The following KCNIP1 variants were observed in gnomAD, a reference collection of about 807,000 sequenced individuals.
KCNIP1 encodes the protein potassium voltage-gated channel interacting protein 1, also known as A-type potassium channel modulatory protein KCNIP1.
KCNIP1 carries 18 observed loss-of-function variants against 33.0 expected under a neutral mutation model. The observed-to-expected ratio is 0.55, with a 90% confidence interval of 0.38 to 0.81. KCNIP1 has a LOEUF of 0.81. Ranked by LOEUF, KCNIP1 falls within the 30% of genes least tolerant of loss-of-function variation. KCNIP1 has a pLI of 0.00. For synonymous variants in KCNIP1, 93 were observed against 98.3 expected (o/e 0.95, Z 0.32); for missense variants, 238 against 271.6 (o/e 0.88, Z 0.87).
intron 1 of KCNIP1, among the ~76,000 whole-genome samples, chr5:170,469,796 T>C (rs1756683544): frequency 6.6e-6 from 1 of 152,234 alleles, no homozygotes; most frequent in South Asian, 2.1e-4. Context: ...TTCTCTTCCA[T>C]TGATCTCTCT....
chr5:170,714,720 T>C (rs1205240076), intron 1 of KCNIP1, among the ~76,000 whole-genome samples: 1 of 152,094 alleles, frequency 6.6e-6, no homozygotes, highest in Non-Finnish European at 1.5e-5. Context: ...AAAAAATTTT[T>C]AAATAGAGAA....
intron 1 of KCNIP1, among the ~76,000 whole-genome samples, chr5:170,484,776 A>C (rs1581233720): frequency 7.1e-6 from 1 of 141,790 alleles, no homozygotes; most frequent in African/African-American, 2.6e-5. Flanking sequence ...ACCCTCCTCC[A>C]CCTTTCCACC....
chr5:170,568,506 A>G (rs1290282480), intron 1 of KCNIP1, among the ~76,000 whole-genome samples: 1 of 151,866 alleles, frequency 6.6e-6, no homozygotes, highest in African/African-American at 2.4e-5. Flanking sequence ...CCTTCTACAG[A>G]CCACTCAGAC....
rs139272673 is a variant in KCNIP1 at position 170,534,852 on chromosome 5, G to A, written c.61+30219G>A. On this transcript the variant is annotated intron_variant, in intron 1 of 7. Transcript: ENST00000328939. ...TAGATTTTTTTTTTTTTTTAACAGA[G>A]GCTACAGACAAGACTGACTGCCTGG... 2.1e-3 allele frequency among the ~76,000 whole-genome samples: 325 copies of A among 151,390 alleles called. 1 individual carries two copies. Among genetic ancestry groups the A allele is most frequent in the Non-Finnish European group, 3.1e-3 (213 of 67,846 alleles).
intron 1 of KCNIP1, among the ~76,000 whole-genome samples, chr5:170,710,087 C>T (rs758019539): frequency 2.0e-5 from 3 of 152,142 alleles, no homozygotes. Context: ...AGGTTGGTCT[C>T]GAACTCCTGA....
chr5:170,669,162 T>G (rs114967039), intron 1 of KCNIP1, among the ~76,000 whole-genome samples: 3 of 152,190 alleles, frequency 2.0e-5, no homozygotes, highest in Non-Finnish European at 2.9e-5. Context: ...GTGATCTCTA[T>G]TGAATGAACG....
intron 1 of KCNIP1, among the ~76,000 whole-genome samples, chr5:170,522,853 G>A (rs943508383): frequency 2.0e-5 from 3 of 152,200 alleles, no homozygotes; most frequent in South Asian, 2.1e-4. Flanking sequence ...AATGCTTAGA[G>A]TTTTCCCTCT....
rs77155997 is a variant in KCNIP1, at chr5:170,366,823, G to A, written c.88+12859G>A. 4.4e-4 allele frequency among the ~76,000 whole-genome samples: 67 copies of A among 152,324 alleles called. No homozygotes were observed. In the East Asian group the frequency reaches 9.7e-3, roughly 22 times the overall value. On this transcript the variant is annotated intron_variant, in intron 1 of 7. Coordinates refer to the KCNIP1 transcript ENST00000377360. Reference sequence around the variant, plus strand: ...GATGGCTCTTCATTGCCACACAGCCGATGACTCATAGACTAAGCCCAAGCA... The same window carrying A: ...GATGGCTCTTCATTGCCACACAGCCAATGACTCATAGACTAAGCCCAAGCA...
At chr5:170,353,785 T>C (rs1017818965) in exon 1 of KCNIP1, 21 of 1,154,868 alleles carry the variant, frequency 1.8e-5, no homozygotes, top group Non-Finnish European at 2.5e-5. Context: ...CAGGGTTCAT[T>C]CACCCAGGCA....
chr5:170,378,488 T>C, intron 1 of KCNIP1: 1 of 587,564 alleles, frequency 1.7e-6, no homozygotes, highest in Non-Finnish European at 2.9e-6. Flanking sequence ...CCTTATGGCC[T>C]CCAAGGCATT....
chr5:170,399,917 A>G (rs1376885490), intron 1 of KCNIP1, among the ~76,000 whole-genome samples: 1 of 152,234 alleles, frequency 6.6e-6, no homozygotes, highest in Non-Finnish European at 1.5e-5. Context: ...TAAAAGCATG[A>G]TCAGAGCCAA....
intron 1 of KCNIP1, among the ~76,000 whole-genome samples, chr5:170,475,289 C>A (rs1049194881): frequency 1.3e-5 from 2 of 152,254 alleles, no homozygotes; most frequent in Admixed American, 1.3e-4. Flanking sequence ...TGCTTGGCTT[C>A]CCTCTCTACC....
At chr5:170,416,839 G>A (rs1430569135) in intron 1 of KCNIP1, among the ~76,000 whole-genome samples, 3 of 152,144 alleles carry the variant, frequency 2.0e-5, no homozygotes, top group African/African-American at 7.2e-5. Context: ...GGGAAACTGA[G>A]GCAGTGAAGT....
intron 1 of KCNIP1, among the ~76,000 whole-genome samples, chr5:170,641,591 G>A (rs191928668): frequency 2.0e-3 from 306 of 152,338 alleles, no homozygotes; most frequent in Non-Finnish European, 1.8e-3. Flanking sequence ...ACTTTCATGC[G>A]TGGACTTCTG....
chr5:170,517,614 A>G (rs904776003), intron 1 of KCNIP1, among the ~76,000 whole-genome samples: 1 of 151,266 alleles, frequency 6.6e-6, no homozygotes, highest in Non-Finnish European at 1.5e-5. Context: ...GATGATGATG[A>G]TAATAGTAAT....
At chr5:170,399,263 C>A (rs535328084) in intron 1 of KCNIP1, among the ~76,000 whole-genome samples, 15 of 152,306 alleles carry the variant, frequency 9.8e-5, no homozygotes, top group African/African-American at 3.4e-4. Flanking sequence ...CTCTGTATGG[C>A]CATAAATATT....
chr5:170,545,068 A>T (rs35362509), intron 1 of KCNIP1, among the ~76,000 whole-genome samples: 1 of 152,014 alleles, frequency 6.6e-6, no homozygotes, highest in Non-Finnish European at 1.5e-5. Context: ...GTGTGATGGC[A>T]CTAAATTTTT....
rs1764398522 is a variant in KCNIP1 at position 170,736,599 on chromosome 5, A to G, written c.*793A>G. The stretch of plus-strand genomic sequence containing the variant: ...TTGCTGTAATTTTATACCATGTTCT[A>G]ACCAATAAACAGAACTATTTCTTAC... On this transcript the variant is annotated 3_prime_UTR_variant, in exon 8 of 8. Transcript: ENST00000328939. The G allele has an allele frequency of 6.6e-6, 1 of 152,168 alleles. No homozygotes were observed. The highest frequency in any genetic ancestry group is 6.5e-5 in the Admixed American group (1 of 15,280). The allele number at this position is 152,168 out of a possible 1,614,324, so 9.4% of individuals were successfully genotyped here.
chr5:170,432,004 A>C (rs564207373), intron 1 of KCNIP1, among the ~76,000 whole-genome samples: 25 of 143,244 alleles, frequency 1.7e-4, no homozygotes, highest in Admixed American at 1.5e-3. Context: ...ATGGCATTTT[A>C]TCTCTCTCTC....
Sources: gnomAD v4.1 joint callset for allele counts (sites outside exome capture counted in the v4.1 genomes callset) on GRCh38, gnomAD v4.1.1 for gene constraint, MANE v1.5 for transcripts, NCBI Gene and HGNC (gene_info 2026-07-23, HGNC 2026-07-21) for gene names.